Variants in GNS observed in about 807,000 individuals in gnomAD.
GNS encodes the protein N-acetylglucosamine-6-sulfatase.
Under a neutral mutation model 69.7 loss-of-function variants are expected in GNS, and 40 were observed. The ratio of observed to expected loss-of-function variants is 0.57; its 90% confidence interval spans 0.45 to 0.75. GNS has a LOEUF of 0.75. GNS is among the 30% of genes least tolerant of loss of function. The probability of loss-of-function intolerance (pLI) is 0.00; values close to 1 mark genes in which losing one functional copy is unlikely to be tolerated. For synonymous variants in GNS, 243 were observed against 251.6 expected, an observed-to-expected ratio of 0.97 and a Z score of 0.32; for missense variants, 565 against 685.5, an observed-to-expected ratio of 0.82 and a Z score of 1.96.
intron 3 of GNS, chr12:64,745,962 AG>A: frequency 1.8e-6 from 1 of 546,074 alleles, no homozygotes; most frequent in Non-Finnish European, 3.3e-6. Context: ...ATGAACAGCA[AG>A]CTAAGAATTT....
chr12:64,747,847 G>T lies in GNS; in HGVS notation c.324C>A (p.His108Gln). The T allele has an allele frequency of 6.2e-7, 1 of 1,609,568 alleles. No homozygotes were observed. The highest frequency in any genetic ancestry group is 1.1e-5 in the South Asian group (1 of 91,012). The stretch of plus-strand genomic sequence containing the variant: ...TCCCCTCCAGAGTGTTGTTCACAAC[G>T]TGATGATTATGTGGGTACTTTCCTG... ...ILTGKYPHNH[H>Q]VVNNTLEGNC... Residue 108 changes from histidine (H) to glutamine (Q), a missense_variant, in exon 3 of 14, where the codon CAC becomes CAA. Physicochemically the swap from His to Gln is conservative, Grantham distance 24. Transcript: ENST00000258145.
chr12:64,723,889 A>G (rs1054015730), intron 10 of GNS, among the ~76,000 whole-genome samples: 14 of 152,220 alleles, frequency 9.2e-5, no homozygotes, highest in Non-Finnish European at 2.9e-5. Flanking sequence ...CATGCTGCCC[A>G]GGCTTGTCCT....
At chr12:64,723,214 T>C in intron 10 of GNS, 101 bp from the exon 11 acceptor site, 1 of 758,576 alleles carries the variant, frequency 1.3e-6, no homozygotes, top group Non-Finnish European at 2.4e-6. Context: ...CAAAAGTAAT[T>C]GGACTGTTCA....
At chr12:64,732,636 A>G (rs967948012) in intron 9 of GNS, among the ~76,000 whole-genome samples, 1 of 135,868 alleles carries the variant, frequency 7.4e-6, no homozygotes, top group African/African-American at 2.8e-5. Flanking sequence ...AATTTTTTGT[A>G]TTTTTTAGTA....
At position 64,716,806 on chromosome 12, in the gene GNS, G is replaced by C. The variant is rs202228620; in HGVS notation, c.1594C>G (p.Pro532Ala). The change falls in exon 14 of 14, where the codon CCC becomes GCC. Residue 532 changes from proline (P) to alanine (A), a missense_variant. Coordinates refer to ENST00000258145, the MANE Select transcript of GNS (RefSeq NM_002076.4). ...CCGCGATTGCTGAACATGAGACGGG[G>C]GTCAAACCTGTATCTGGGGAGGAAA... ...GVFDPGYRFD[P>A]RLMFSNRGSV... The C allele has an allele frequency of 4.4e-5, 71 of 1,610,962 alleles. No homozygotes were observed. The Middle Eastern group carries it at 5.0e-4, about 11-fold the overall frequency.
chr12:64,747,822 T>TC lies in GNS; in HGVS notation c.348dup (p.Asn117GlufsTer4). ...TTCTGCCAGGACTTACTACTGCAGT[T>TC]CCCCTCCAGAGTGTTGTTCACAACG... On this transcript the variant is annotated frameshift_variant, in exon 3 of 14. Transcript: ENST00000258145. LOFTEE classifies it high-confidence loss of function. The TC allele has an allele frequency of 6.2e-7, 1 of 1,605,732 alleles. No individual in the cohort carries two copies.
At chr12:64,756,535 C>T (rs561662242) in intron 1 of GNS, 1 of 549,532 alleles carries the variant, frequency 1.8e-6, no homozygotes, top group Non-Finnish European at 3.2e-6. Context: ...AGGCTTTGTC[C>T]AATATTAGCT....
chr12:64,732,186 G>A (rs1251998635), intron 9 of GNS, among the ~76,000 whole-genome samples: 1 of 16,600 alleles, frequency 6.0e-5, no homozygotes, highest in Non-Finnish European at 1.2e-4. Flanking sequence ...TTTTTTTTTT[G>A]AGACGGAGTC....
chr12:64,753,864 A>C (rs1319300603), intron 1 of GNS, among the ~76,000 whole-genome samples: 2 of 152,192 alleles, frequency 1.3e-5, no homozygotes, highest in Non-Finnish European at 2.9e-5. Flanking sequence ...CAGCCTTCCG[A>C]AGCAAGGTCG....
intron 13 of GNS, among the ~76,000 whole-genome samples, chr12:64,718,641 A>T (rs1260728742): frequency 6.6e-6 from 1 of 152,274 alleles, no homozygotes; most frequent in African/African-American, 2.4e-5. Context: ...ATGTCCTAGC[A>T]GTGGCATGGT....
At chr12:64,750,798 TG>T (rs1870052292) in intron 2 of GNS, among the ~76,000 whole-genome samples, 1 of 151,940 alleles carries the variant, frequency 6.6e-6, no homozygotes, top group African/African-American at 2.4e-5. Flanking sequence ...CCGAGTTACT[TG>T]GGAAGCTGAG....
chr12:64,736,012 A>G (rs957331979), intron 9 of GNS, among the ~76,000 whole-genome samples: 24 of 152,242 alleles, frequency 1.6e-4, no homozygotes, highest in African/African-American at 5.5e-4. Flanking sequence ...ATATACCCAG[A>G]AAGTCTGGCC....
chr12:64,718,988 T>C lies in GNS; in HGVS notation c.1580+1034A>G, dbSNP rs187639441. Among the ~76,000 whole-genome samples the C allele has an allele frequency of 4.0e-4, 61 of 152,330 alleles. No homozygotes were observed. The East Asian group carries it at 0.01, about 26-fold the overall frequency. ...AAGGAAAGACCAATGGTCAAAATTC[T>C]TGACCATTCTTATTGTACTAATGGG... On this transcript the variant is annotated intron_variant, in intron 13 of 13. Transcript: ENST00000258145.
chr12:64,725,579 A>G (rs371627564), intron 10 of GNS, among the ~76,000 whole-genome samples: 85 of 152,328 alleles, frequency 5.6e-4, no homozygotes, highest in African/African-American at 2.0e-3. Flanking sequence ...AATAGCCTCC[A>G]AAAACAAAAC....
chr12:64,749,798 CTT>C (rs1050986144), intron 2 of GNS, among the ~76,000 whole-genome samples: 5 of 150,100 alleles, frequency 3.3e-5, no homozygotes, highest in African/African-American at 1.2e-4. Flanking sequence ...AACTCTTTCT[CTT>C]TTTGTTTTCT....
At chr12:64,737,383 T>G (rs2136244594) in intron 8 of GNS, among the ~76,000 whole-genome samples, 1 of 152,248 alleles carries the variant, frequency 6.6e-6, no homozygotes, top group East Asian at 1.9e-4. Flanking sequence ...GAAACACAAA[T>G]ACATAAAAAA....
intron 10 of GNS, among the ~76,000 whole-genome samples, chr12:64,723,345 C>T (rs1869092906): frequency 6.6e-6 from 1 of 152,166 alleles, no homozygotes; most frequent in Admixed American, 6.5e-5. Context: ...TAGTTCCTTC[C>T]CAAGGCTACT....
chr12:64,742,836 C>G (rs777690582), intron 6 of GNS, among the ~76,000 whole-genome samples: 5 of 152,100 alleles, frequency 3.3e-5, no homozygotes, highest in African/African-American at 1.2e-4. Flanking sequence ...CCCGGCTATG[C>G]CAGGAGGGAG....
rs1484581430 is a variant in GNS at position 64,759,054 on chromosome 12, T to G, written c.192+31A>C. ...CAAACCGGGTAGTCAGCCCAAGAGA[T>G]AGAGGGGCGGGGCAGAAACAGAAGA... On this transcript the variant is annotated intron_variant, in intron 1 of 13. Coordinates refer to ENST00000258145, the MANE Select transcript of GNS (RefSeq NM_002076.4). The G allele has an allele frequency of 2.6e-6, 4 of 1,523,302 alleles. No individual in the cohort carries two copies. In the South Asian group the frequency reaches 4.8e-5, roughly 18 times the overall value. The allele number at this position is 1,523,302 out of a possible 1,614,324, so 94.4% of individuals were successfully genotyped here.
Sources: gnomAD v4.1 joint callset for allele counts (sites outside exome capture counted in the v4.1 genomes callset) on GRCh38, gnomAD v4.1.1 for gene constraint, MANE v1.5 for transcripts, NCBI Gene and HGNC (gene_info 2026-07-23, HGNC 2026-07-21) for gene names.